CELF2: variants seen among roughly 807,000 people sequenced by gnomAD.
CELF2 encodes the protein CUGBP Elav-like family member 2, also known as CUG triplet repeat RNA-binding protein 2.
In CELF2, 8 loss-of-function variants were observed where a neutral mutation model predicts 62.6. The observed-to-expected ratio is 0.13, with a 90% CI of 0.07 to 0.23. The LOEUF (loss-of-function observed/expected upper bound fraction) is 0.23. Among genes scored for constraint, CELF2 ranks in the 10% least tolerant of loss-of-function variants. The pLI, the probability that CELF2 is intolerant of heterozygous loss-of-function variation, is 1.00. For missense variants in CELF2, 333 were observed against 671.0 expected (o/e 0.50, Z 5.56); for synonymous variants, 258 against 250.0 (o/e 1.03, Z -0.30).
At chr10:11,035,091 T>C (rs2060738111) in intron 1 of CELF2, among the ~76,000 whole-genome samples, 2 of 152,202 alleles carry the variant, frequency 1.3e-5, no homozygotes, top group African/African-American at 4.8e-5. Context: ...TCTTGTCTGA[T>C]CCTTATCACC....
At chr10:10,844,790 C>T (rs865985150) in intron 1 of CELF2, among the ~76,000 whole-genome samples, 1 of 152,058 alleles carries the variant, frequency 6.6e-6, no homozygotes, top group South Asian at 2.1e-4. Context: ...AAAAGATTGA[C>T]ATATGCCCTG....
intron 2 of CELF2, among the ~76,000 whole-genome samples, chr10:10,963,118 G>C (rs2049727857): frequency 6.6e-6 from 1 of 152,036 alleles, no homozygotes; most frequent in African/African-American, 2.4e-5. Context: ...TCGGCTCACT[G>C]CAGCCTTCGC....
chr10:10,643,222 T>G, the CELF2 span, among the ~76,000 whole-genome samples: 1 of 152,154 alleles, frequency 6.6e-6, no homozygotes, highest in Non-Finnish European at 1.5e-5. Flanking sequence ...AGGGTTTGAC[T>G]GTGTCCCCAC....
chr10:10,816,056 T>C (rs535816118), intron 1 of CELF2, among the ~76,000 whole-genome samples: 1 of 152,346 alleles, frequency 6.6e-6, no homozygotes, highest in Non-Finnish European at 1.5e-5. Flanking sequence ...TTTACTTTTA[T>C]TGACCCCTGC....
chr10:11,153,289 A>G (rs1258445413), intron 1 of CELF2, among the ~76,000 whole-genome samples: 1 of 152,216 alleles, frequency 6.6e-6, no homozygotes, highest in African/African-American at 2.4e-5. Flanking sequence ...ATGCTAATAG[A>G]AAATAGGCTT....
chr10:10,568,338 G>A, the CELF2 span, among the ~76,000 whole-genome samples: 6 of 152,084 alleles, frequency 3.9e-5, no homozygotes, highest in South Asian at 1.2e-3. Flanking sequence ...AAGAAGAAAG[G>A]TCCCAGATCA....
the CELF2 span, among the ~76,000 whole-genome samples, chr10:10,570,167 G>A: frequency 6.6e-6 from 1 of 152,164 alleles, no homozygotes; most frequent in Admixed American, 6.5e-5. Flanking sequence ...AGGGCATTGA[G>A]GGGAGCAGAG....
At chr10:11,231,266 G>T (rs566580542) in intron 3 of CELF2, among the ~76,000 whole-genome samples, 1 of 152,228 alleles carries the variant, frequency 6.6e-6, no homozygotes, top group East Asian at 1.9e-4. Flanking sequence ...ATTGTAGTCT[G>T]TAAGGACAAA....
At chr10:10,999,752 C>G (rs907448782) in intron 2 of CELF2, among the ~76,000 whole-genome samples, 2 of 152,190 alleles carry the variant, frequency 1.3e-5, no homozygotes, top group Non-Finnish European at 2.9e-5. Flanking sequence ...GAAGGCTGAT[C>G]CACTCCACTG....
intron 1 of CELF2, among the ~76,000 whole-genome samples, chr10:10,818,592 C>T (rs187131207): frequency 1.8e-4 from 26 of 143,030 alleles, no homozygotes; most frequent in African/African-American, 4.4e-4. Context: ...CACTGTCTGT[C>T]GCCCAGGCTG....
chr10:11,004,746 G>T (rs1009165747), upstream of CELF2, among the ~76,000 whole-genome samples: 8 of 152,130 alleles, frequency 5.3e-5, no homozygotes, highest in Admixed American at 2.6e-4. The surrounding 1 kb of genome is among the most constrained non-coding windows in gnomAD (Gnocchi z 5.0). Context: ...CCAAATCCTC[G>T]ATCTCTATGC....
chr10:10,863,214 A>T (rs1186542111), intron 1 of CELF2, among the ~76,000 whole-genome samples: 2 of 152,208 alleles, frequency 1.3e-5, no homozygotes, highest in African/African-American at 4.8e-5. Flanking sequence ...AATTTTCTTT[A>T]TTAGAGTCCC....
At chr10:10,583,003 G>A in the CELF2 span, among the ~76,000 whole-genome samples, 2 of 152,156 alleles carry the variant, frequency 1.3e-5, no homozygotes, top group East Asian at 3.9e-4. Context: ...AATCTGTGCA[G>A]TAGATAATGA....
chr10:10,606,966 T>C, the CELF2 span, among the ~76,000 whole-genome samples: 1 of 152,212 alleles, frequency 6.6e-6, no homozygotes, highest in African/African-American at 2.4e-5. Flanking sequence ...CTGAAGTTCT[T>C]TCTAGAACTT....
At chr10:11,291,502 G>A (rs988562864) in intron 9 of CELF2, among the ~76,000 whole-genome samples, 23 of 152,108 alleles carry the variant, frequency 1.5e-4, no homozygotes, top group Non-Finnish European at 2.5e-4. Flanking sequence ...TAAGTGTTTC[G>A]TGCAATTATC....
chr10:10,984,773 A>G (rs1256311442), intron 2 of CELF2, among the ~76,000 whole-genome samples: 2 of 152,284 alleles, frequency 1.3e-5, no homozygotes, highest in East Asian at 1.9e-4. Flanking sequence ...TTAAAATATT[A>G]TTTTAATATA....
chr10:10,573,134 T>G, the CELF2 span, among the ~76,000 whole-genome samples: 23 of 152,232 alleles, frequency 1.5e-4, no homozygotes, highest in African/African-American at 4.8e-4. Context: ...ATGTGTTTGT[T>G]GGCTGCATGA....
chr10:10,997,536 C>A lies in CELF2; in HGVS notation c.89+77537C>A, dbSNP rs1446245538. Among the ~76,000 whole-genome samples the A allele has an allele frequency of 6.6e-6, 1 of 152,142 alleles. No homozygotes were observed. Among genetic ancestry groups the A allele is most frequent in the Non-Finnish European group, 1.5e-5 (1 of 68,030 alleles). On this transcript the variant is annotated intron_variant, in intron 2 of 13. Coordinates refer to the CELF2 transcript ENST00000636488. This position sits in a 1 kb window ranked among gnomAD's most constrained non-coding sequence, Gnocchi z 5.3. Reference sequence around the variant, plus strand: ...TCAAAACCACTAGGAAAGGAAGATCCCCAAGTGCACCAAAGGTCATATTCA... The same window carrying A: ...TCAAAACCACTAGGAAAGGAAGATCACCAAGTGCACCAAAGGTCATATTCA...
At position 10,817,831 on chromosome 10, in the gene CELF2, T is replaced by C. The variant is rs538093129; in HGVS notation, c.53+19014T>C. Among the ~76,000 whole-genome samples the C allele has an allele frequency of 1.7e-3, 259 of 152,336 alleles. 3 individuals carry two copies. The highest frequency in any genetic ancestry group is 2.5e-3 in the South Asian group (12 of 4,828). ...GTAAAGTAATAAGGTTACTGAACTT[T>C]TGCTCCCTTACTACTATTGCTTGAT... On this transcript the variant is annotated intron_variant, in intron 1 of 13. Transcript: ENST00000636488.
Sources: allele counts gnomAD v4.1 joint callset (sites outside exome capture counted in the v4.1 genomes callset), GRCh38; gene constraint gnomAD v4.1.1; non-coding constraint Gnocchi (gnomAD v3.1); transcripts MANE v1.5; gene names NCBI Gene and HGNC (gene_info 2026-07-23, HGNC 2026-07-21).